CFAP100: variants seen among roughly 807,000 people sequenced by gnomAD.
CFAP100 encodes the protein cilia- and flagella-associated protein 100.
CFAP100 carries 70 observed loss-of-function variants against 81.5 expected under a neutral mutation model. The observed-to-expected ratio is 0.86, with a 90% confidence interval of 0.71 to 1.05. The LOEUF is 1.05. CFAP100 is among the 50% of genes least tolerant of loss of function. CFAP100 has a pLI of 0.00. For synonymous variants in CFAP100, 341 were observed against 314.8 expected, an observed-to-expected ratio of 1.08 and a Z score of -0.88; for missense variants, 811 against 776.5, an observed-to-expected ratio of 1.04 and a Z score of -0.53.
intron 3 of CFAP100, among the ~76,000 whole-genome samples, chr3:126,410,003 C>A (rs1243864387): frequency 6.6e-6 from 1 of 152,132 alleles, no homozygotes; most frequent in Non-Finnish European, 1.5e-5. Flanking sequence ...GAGTTCGAGA[C>A]CAGCCTGAAC....
chr3:126,396,672 C>T (rs895756698), intron 2 of CFAP100: 8 of 152,342 alleles, frequency 5.3e-5, no homozygotes, highest in Admixed American at 4.6e-4. Flanking sequence ...GAAGGTGTCA[C>T]CGTGAAGGTG....
Position 126,436,291 on chromosome 3 carries a change from A to G in CFAP100, c.1723A>G (p.Arg575Gly), listed in dbSNP as rs767799680. 1 of 1,612,144 alleles carries G rather than the reference A, an allele frequency of 6.2e-7. No individual in the cohort carries two copies. Among genetic ancestry groups the G allele is most frequent in the Admixed American group, 1.7e-5 (1 of 59,970 alleles). ...ARAQAEIKKK[R>G]GRTLVCRSRP... ...CTCACTGGGCTTGTTTCCCCTGCAG[A>G]GAGGCAGGACACTGGTATGCCGCTC... Residue 575 changes from arginine (R) to glycine (G), a missense_variant and splice_region_variant, in exon 17 of 17, where the codon AGA (arginine) becomes GGA (glycine). By Grantham distance (125) the Arg-to-Gly change is moderately radical. Transcript: ENST00000352312.
At chr3:126,435,974 C>T (rs1933429654) in intron 16 of CFAP100, among the ~76,000 whole-genome samples, 1 of 152,200 alleles carries the variant, frequency 6.6e-6, no homozygotes, top group Non-Finnish European at 1.5e-5. Context: ...GCCCTGCTCA[C>T]TGCCCGTCAC....
chr3:126,417,350 T>C (rs745806895), intron 5 of CFAP100, among the ~76,000 whole-genome samples: 9 of 152,196 alleles, frequency 5.9e-5, no homozygotes, highest in Non-Finnish European at 1.0e-4. Flanking sequence ...GTATTAATAT[T>C]CTACCAACCC....
intron 11 of CFAP100, among the ~76,000 whole-genome samples, chr3:126,421,284 A>G (rs1038501661): frequency 5.3e-5 from 8 of 152,226 alleles, no homozygotes; most frequent in African/African-American, 1.9e-4. Flanking sequence ...GATTACAGGC[A>G]TGAGCCACTA....
chr3:126,415,157 C>T (rs373442046), intron 4 of CFAP100, among the ~76,000 whole-genome samples: 3 of 152,126 alleles, frequency 2.0e-5, no homozygotes, highest in African/African-American at 4.8e-5. Flanking sequence ...AGGCCTCCCC[C>T]ACCTTCCACT....
chr3:126,396,778 A>G (rs2082895799), intron 2 of CFAP100: 1 of 152,210 alleles, frequency 6.6e-6, no homozygotes, highest in South Asian at 2.1e-4. Context: ...TGCCTGCCCT[A>G]GTGGAATTGC....
Position 126,420,224 on chromosome 3 carries a change from CAGAGGGTG to C in CFAP100, c.1080_1082+5del. On this transcript the variant is annotated splice_donor_variant and splice_donor_region_variant and coding_sequence_variant and intron_variant, in exon 11 of 17. Coordinates refer to ENST00000352312, the MANE Select transcript of CFAP100 (RefSeq NM_182628.3). LOFTEE classifies it high-confidence loss of function. ...CCAGCGAGTCCAGCGGTGGCGACTC[CAGAGGGTG>C]AGTGGGCTCGGGTGGTTGGGAGGGG... is the stretch of plus-strand genomic sequence containing the variant. The C allele has an allele frequency of 6.2e-7, 1 of 1,611,842 alleles. No homozygotes were observed. Among genetic ancestry groups the C allele is most frequent in the Non-Finnish European group, 8.5e-7 (1 of 1,179,900 alleles).
At chr3:126,425,969 A>C (rs2083397706) in intron 13 of CFAP100, among the ~76,000 whole-genome samples, 1 of 152,224 alleles carries the variant, frequency 6.6e-6, no homozygotes, top group South Asian at 2.1e-4. Flanking sequence ...CAAAAAAAAC[A>C]ACAACTAGAA....
chr3:126,421,820 C>A (rs2083336717), intron 11 of CFAP100, among the ~76,000 whole-genome samples: 1 of 152,262 alleles, frequency 6.6e-6, no homozygotes, highest in Non-Finnish European at 1.5e-5. Context: ...ACCACTGGGG[C>A]ATGCTGCTGC....
chr3:126,411,296 TG>T (rs1275552009), intron 3 of CFAP100, among the ~76,000 whole-genome samples: 2 of 152,016 alleles, frequency 1.3e-5, no homozygotes, highest in African/African-American at 4.8e-5. Context: ...GCTAATGTTT[TG>T]TTGAGGATTT....
intron 13 of CFAP100, among the ~76,000 whole-genome samples, chr3:126,428,688 G>A (rs1253281013): frequency 1.3e-5 from 2 of 152,068 alleles, no homozygotes; most frequent in Non-Finnish European, 2.9e-5. Context: ...TTGCATCTAC[G>A]TTCATAGGGG....
Position 126,435,634 on chromosome 3 carries a change from G to A in CFAP100, c.1704G>A (p.Gln568=). 2 of 1,611,410 alleles carry A rather than the reference G, an allele frequency of 1.2e-6. No homozygotes were observed. Among genetic ancestry groups the A allele is most frequent in the Non-Finnish European group, 1.7e-6 (2 of 1,178,184 alleles). The change falls in exon 16 of 17, where the codon CAG becomes CAA. Residue 568 remains glutamine, a synonymous_variant. Transcript: ENST00000352312. ...TGCAGCGGGCCCGGGCGCGCGCCCA[G>A]GCTGAGATCAAGAAGAAGGTAGGCA... The part of the protein sequence containing the change: ...EHLQRARARA[Q]AEIKKKRGRT...
intron 2 of CFAP100, 78 bp downstream of exon 2, chr3:126,396,127 G>C: frequency 2.6e-6 from 3 of 1,155,424 alleles, no homozygotes; most frequent in Non-Finnish European, 3.9e-6. Context: ...CACAGGTTAA[G>C]GTAGCTCTAA....
At chr3:126,428,474 G>T (rs1933050552) in intron 13 of CFAP100, among the ~76,000 whole-genome samples, 1 of 152,176 alleles carries the variant, frequency 6.6e-6, no homozygotes, top group African/African-American at 2.4e-5. Context: ...CAAACCCATA[G>T]AATACACAGT....
chr3:126,433,159 C>T lies in CFAP100; in HGVS notation c.1377C>T (p.Leu459=), dbSNP rs773440980. 5.0e-6 allele frequency: 8 copies of T among 1,614,086 alleles called. No homozygotes were observed. Among genetic ancestry groups the T allele is most frequent in the African/African-American group, 4.0e-5 (3 of 74,930 alleles). ...AGGACACAGCAGCTGAGCTGGAGCT[C>T]AAAGCCCGAGTCTTCCACTTCGGCG... is the stretch of plus-strand genomic sequence containing the variant. ...KEEDTAAELE[L]KARVFHFGEY... The change falls in exon 14 of 17, where the codon CTC becomes CTT. Residue 459 remains leucine (L), a synonymous_variant. Transcript: ENST00000352312.
At chr3:126,418,917 A>T (rs2083285494) in intron 7 of CFAP100, 143 bp downstream of exon 7, 3 of 1,124,996 alleles carry the variant, frequency 2.7e-6, no homozygotes, top group African/African-American at 3.2e-5. Context: ...AGCCAAGGGC[A>T]GGGGACACTA....
intron 2 of CFAP100, among the ~76,000 whole-genome samples, chr3:126,401,015 G>A (rs1288147692): frequency 6.6e-6 from 1 of 152,202 alleles, no homozygotes; most frequent in Non-Finnish European, 1.5e-5. Flanking sequence ...CAAAAAGGAA[G>A]GGAATTCTGA....
At chr3:126,431,722 T>C (rs193216289) in intron 13 of CFAP100, among the ~76,000 whole-genome samples, 2 of 144,818 alleles carry the variant, frequency 1.4e-5, no homozygotes, top group East Asian at 4.2e-4. Context: ...ATCAATAAAA[T>C]CAATCTATAG....
Sources: allele counts gnomAD v4.1 joint callset (sites outside exome capture counted in the v4.1 genomes callset), GRCh38; gene constraint gnomAD v4.1.1; transcripts MANE v1.5; gene names NCBI Gene and HGNC (gene_info 2026-07-23, HGNC 2026-07-21).